Variants in ACVR2A observed in about 807,000 individuals in gnomAD.
ACVR2A encodes activin A receptor type 2A.
In ACVR2A, 7 loss-of-function variants were observed where a neutral mutation model predicts 61.4. That is an observed-to-expected ratio of 0.11 (90% confidence interval 0.06 to 0.21). ACVR2A has a LOEUF of 0.21. Among genes scored for constraint, ACVR2A ranks in the 10% least tolerant of loss-of-function variants. The pLI, the probability that ACVR2A is intolerant of heterozygous loss-of-function variation, is 1.00. For synonymous variants in ACVR2A, 193 were observed against 208.3 expected, an observed-to-expected ratio of 0.93 and a Z score of 0.63; for missense variants, 322 against 621.7, an observed-to-expected ratio of 0.52 and a Z score of 5.13.
intron 1 of ACVR2A, among the ~76,000 whole-genome samples, chr2:147,857,635 A>G (rs558933640): frequency 3.3e-5 from 5 of 152,076 alleles, no homozygotes; most frequent in Admixed American, 6.5e-5. Context: ...TATAGTAGAA[A>G]GAGCAAACAT....
At chr2:147,918,292 T>A (rs1452172019) in intron 6 of ACVR2A, among the ~76,000 whole-genome samples, 155 bp from the exon 7 acceptor site, 1 of 152,008 alleles carries the variant, frequency 6.6e-6, no homozygotes, top group African/African-American at 2.4e-5. Flanking sequence ...GGAAGGAAAT[T>A]TGAACCATTT....
intron 9 of ACVR2A, 28 bp from the exon 10 acceptor site, chr2:147,926,003 G>A (rs1687491325): frequency 6.3e-7 from 1 of 1,590,984 alleles, no homozygotes; most frequent in Non-Finnish European, 8.5e-7. Flanking sequence ...TAATGAAAAT[G>A]ATTTATTTTA....
chr2:147,886,638 CA>C (rs1686440010), intron 1 of ACVR2A, among the ~76,000 whole-genome samples: 6 of 152,224 alleles, frequency 3.9e-5, no homozygotes, highest in Admixed American at 2.0e-4. Flanking sequence ...CCACCTGTTT[CA>C]AAGAGTAGAG....
chr2:147,889,623 TG>T (rs778398231), intron 1 of ACVR2A, among the ~76,000 whole-genome samples: 52 of 152,136 alleles, frequency 3.4e-4, no homozygotes, highest in Non-Finnish European at 6.2e-4. Flanking sequence ...GGCTGCCGCC[TG>T]TAGTCCCAGC....
chr2:147,861,062 TGTTATA>T (rs1007385586), intron 1 of ACVR2A, among the ~76,000 whole-genome samples: 49 of 152,314 alleles, frequency 3.2e-4, no homozygotes, highest in Admixed American at 1.6e-3. Flanking sequence ...TTTACACAGT[TGTTATA>T]AAGTGTAAAT....
rs1180239584 is a variant in ACVR2A, at chr2:147,905,560, G to A, written c.528+5662G>A. Among the ~76,000 whole-genome samples the A allele has an allele frequency of 2.0e-5, 3 of 151,942 alleles. No individual in the cohort carries two copies. In the East Asian group the frequency reaches 5.8e-4, roughly 29 times the overall value. On this transcript the variant is annotated intron_variant, in intron 4 of 10. Coordinates refer to ENST00000241416, the MANE Select transcript of ACVR2A (RefSeq NM_001616.5). ...GTCTTAGGCGTGAGCATTCTTTTGTGTGTGTGTGTGGGTGTGTGTATGTGT... is the reference window on the plus strand; with the variant it reads ...GTCTTAGGCGTGAGCATTCTTTTGTATGTGTGTGTGGGTGTGTGTATGTGT...
intron 1 of ACVR2A, among the ~76,000 whole-genome samples, chr2:147,871,410 G>C (rs1686013344): frequency 6.6e-6 from 1 of 152,012 alleles, no homozygotes; most frequent in African/African-American, 2.4e-5. Context: ...AACCTGAAGG[G>C]ACATCAAGAA....
At chr2:147,870,512 C>T (rs1685985826) in intron 1 of ACVR2A, among the ~76,000 whole-genome samples, 1 of 152,112 alleles carries the variant, frequency 6.6e-6, no homozygotes. Flanking sequence ...GTCTAGTACC[C>T]TGTGGGCTGC....
chr2:147,846,970 G>GT (rs1685327704), intron 1 of ACVR2A, among the ~76,000 whole-genome samples: 1 of 152,060 alleles, frequency 6.6e-6, no homozygotes, highest in Non-Finnish European at 1.5e-5. Flanking sequence ...CAGTCTCAAG[G>GT]TATTACTTCT....
intron 4 of ACVR2A, among the ~76,000 whole-genome samples, chr2:147,912,507 A>G (rs1687143567): frequency 6.6e-6 from 1 of 151,882 alleles, no homozygotes; most frequent in South Asian, 2.1e-4. Context: ...TGTCATTTTG[A>G]AATTTATGTC....
chr2:147,894,959 T>C (rs545930224), intron 1 of ACVR2A, among the ~76,000 whole-genome samples: 1 of 152,126 alleles, frequency 6.6e-6, no homozygotes, highest in African/African-American at 2.4e-5. Context: ...TTTTTTTCAA[T>C]AAGTATGTTG....
At position 147,899,476 on chromosome 2, in the gene ACVR2A, A is replaced by T; in HGVS notation, c.282A>T (p.Lys94Asn). The T allele has an allele frequency of 6.2e-7, 1 of 1,611,646 alleles. No individual in the cohort carries two copies. The highest frequency in any genetic ancestry group is 8.5e-7 in the Non-Finnish European group (1 of 1,178,960). Residue 94 changes from lysine (K) to asparagine (N), a missense_variant, in exon 3 of 11, where the codon AAA (lysine) becomes AAT (asparagine). Around this residue, in one of 3 missense-constraint regions of ACVR2A, gnomAD observed 142 missense variants for 200.3 expected, o/e 0.71. Transcript: ENST00000241416. ...NCYDRTDCVE[K>N]KDSPEVYFCC... ...TTTATAGGACTGATTGTGTAGAAAAAAAAGACAGCCCTGAAGTATATTTTT... is the reference window on the plus strand; with the variant it reads ...TTTATAGGACTGATTGTGTAGAAAATAAAGACAGCCCTGAAGTATATTTTT...
intron 1 of ACVR2A, among the ~76,000 whole-genome samples, chr2:147,848,212 G>A (rs570408902): frequency 7.2e-5 from 11 of 152,286 alleles, no homozygotes; most frequent in African/African-American, 2.6e-4. Flanking sequence ...CTTATAAATG[G>A]TGTCTGTGGT....
intron 1 of ACVR2A, among the ~76,000 whole-genome samples, chr2:147,860,906 A>G: frequency 6.6e-6 from 1 of 152,150 alleles, no homozygotes; most frequent in East Asian, 1.9e-4. Flanking sequence ...GTATTATAAT[A>G]TCTTGTTAAT....
At position 147,877,884 on chromosome 2, in the gene ACVR2A, A is replaced by G. The variant is rs143624929; in HGVS notation, c.56-18417A>G. On this transcript the variant is annotated intron_variant, in intron 1 of 10. Coordinates refer to ENST00000241416, the MANE Select transcript of ACVR2A (RefSeq NM_001616.5). ...CATGTTCTGTTGCTGTGTCTTATCT[A>G]TGTTCTGCTGTAACTTCGATCCTTG... is the stretch of plus-strand genomic sequence containing the variant. Among the ~76,000 whole-genome samples the G allele has an allele frequency of 8.1e-3, 1,237 of 152,306 alleles. 9 individuals carry two copies. The highest frequency in any genetic ancestry group is 0.024 in the Middle Eastern group (7 of 294).
At chr2:147,870,843 C>G (rs1685994996) in intron 1 of ACVR2A, among the ~76,000 whole-genome samples, 2 of 152,016 alleles carry the variant, frequency 1.3e-5, no homozygotes, top group African/African-American at 4.8e-5. Flanking sequence ...TTATATACTT[C>G]TTTTTATACT....
intron 1 of ACVR2A, among the ~76,000 whole-genome samples, chr2:147,879,881 A>G (rs1164844437): frequency 6.6e-6 from 1 of 152,200 alleles, no homozygotes; most frequent in Admixed American, 6.6e-5. Context: ...TTGCAGTAAT[A>G]ACCTTCCAGT....
intron 4 of ACVR2A, among the ~76,000 whole-genome samples, chr2:147,909,063 CTGGT>C (rs1687056628): frequency 6.6e-6 from 1 of 152,114 alleles, no homozygotes; most frequent in Non-Finnish European, 1.5e-5. Context: ...TCTCACAAAC[CTGGT>C]TCTCAGTAAA....
intron 8 of ACVR2A, among the ~76,000 whole-genome samples, chr2:147,922,576 CCTTTA>C (rs1687410156): frequency 6.6e-6 from 1 of 151,874 alleles, no homozygotes. Context: ...ATCAGTCTGT[CCTTTA>C]CTTAGCTAAT....
Sources: allele counts gnomAD v4.1 joint callset (sites outside exome capture counted in the v4.1 genomes callset), GRCh38; gene constraint gnomAD v4.1.1; regional missense constraint gnomAD v4.1.1; transcripts MANE v1.5; gene names NCBI Gene and HGNC (gene_info 2026-07-23, HGNC 2026-07-21).